The following NTNG1 variants were observed in gnomAD, a reference collection of about 807,000 sequenced individuals.
NTNG1 encodes the protein netrin G1.
Under a neutral mutation model 54.0 loss-of-function variants are expected in NTNG1, and 16 were observed. The ratio of observed to expected loss-of-function variants is 0.30; its 90% confidence interval spans 0.20 to 0.45. NTNG1 has a LOEUF of 0.45. NTNG1 is among the 20% of genes least tolerant of loss of function. The pLI is 1.00. For missense variants in NTNG1, 530 were observed against 678.7 expected (o/e 0.78, Z 2.43); for synonymous variants, 255 against 263.1 (o/e 0.97, Z 0.30).
intron 2 of NTNG1, among the ~76,000 whole-genome samples, chr1:107,222,097 C>A (rs1478514932): frequency 6.6e-6 from 1 of 151,990 alleles, no homozygotes. Flanking sequence ...TTGGCCAACT[C>A]CTGCTCATCT....
chr1:107,279,021 A>G (rs1382835026), intron 2 of NTNG1, among the ~76,000 whole-genome samples: 1 of 152,178 alleles, frequency 6.6e-6, no homozygotes, highest in Non-Finnish European at 1.5e-5. Context: ...TCTAAAAGTT[A>G]AAATTCAAGT....
intron 3 of NTNG1, among the ~76,000 whole-genome samples, chr1:107,380,062 CAG>C (rs1671549944): frequency 6.6e-6 from 1 of 152,192 alleles, no homozygotes; most frequent in Non-Finnish European, 1.5e-5. Context: ...AGGCAAAAGG[CAG>C]AGACTATGAA....
At chr1:107,429,077 C>G (rs1366488102) in intron 5 of NTNG1, among the ~76,000 whole-genome samples, 1 of 152,090 alleles carries the variant, frequency 6.6e-6, no homozygotes, top group Non-Finnish European at 1.5e-5. Flanking sequence ...TCTCCCTGTT[C>G]ACGTACACAT....
chr1:107,411,962 C>A (rs544458901), intron 5 of NTNG1, among the ~76,000 whole-genome samples: 1 of 152,280 alleles, frequency 6.6e-6, no homozygotes, highest in Non-Finnish European at 1.5e-5. Flanking sequence ...AATGGAGGAG[C>A]TGAAATAATC....
intron 2 of NTNG1, among the ~76,000 whole-genome samples, chr1:107,267,825 T>G (rs1663851495): frequency 6.6e-6 from 1 of 152,224 alleles, no homozygotes; most frequent in Non-Finnish European, 1.5e-5. Flanking sequence ...TCCTGTTTAT[T>G]TCTCTCTGTC....
chr1:107,210,100 C>T lies in NTNG1; in HGVS notation c.246+61261C>T, dbSNP rs1258059430. On this transcript the variant is annotated intron_variant, in intron 2 of 7. Coordinates refer to ENST00000370068, the MANE Select transcript of NTNG1 (RefSeq NM_001113226.3). ...GGCTGCAATGAGATGGAAACGTGAACAGTGAGGACATTAACGGAGGGGGAG... is the reference window on the plus strand; with the variant it reads ...GGCTGCAATGAGATGGAAACGTGAATAGTGAGGACATTAACGGAGGGGGAG... 2.0e-5 allele frequency among the ~76,000 whole-genome samples: 3 copies of T among 152,166 alleles called. No individual in the cohort carries two copies. In the East Asian group the frequency reaches 5.8e-4, roughly 29 times the overall value.
intron 5 of NTNG1, among the ~76,000 whole-genome samples, chr1:107,424,083 T>C (rs1570932440): frequency 1.3e-5 from 2 of 152,174 alleles, no homozygotes; most frequent in African/African-American, 4.8e-5. Flanking sequence ...TTTTTGCATA[T>C]ACTTTTTGAA....
rs55902721 is a variant in NTNG1 at position 107,469,434 on chromosome 1, C to T, written c.1391-11177C>T. Among the ~76,000 whole-genome samples, 860 of 152,232 alleles carry T rather than the reference C, an allele frequency of 5.6e-3. 10 individuals are homozygous for T. The highest frequency in any genetic ancestry group is 0.019 in the African/African-American group (806 of 41,542). ...TAATAATAGACAGACATCCACCATT[C>T]GGAAACAGGCATACAACAAAATTTT... On this transcript the variant is annotated intron_variant, in intron 7 of 7. Coordinates refer to ENST00000370068, the MANE Select transcript of NTNG1 (RefSeq NM_001113226.3).
intron 3 of NTNG1, among the ~76,000 whole-genome samples, chr1:107,352,947 G>A (rs1669713807): frequency 6.6e-6 from 1 of 152,220 alleles, no homozygotes; most frequent in Non-Finnish European, 1.5e-5. Context: ...AGTGGGCCAA[G>A]GCTGTGCAAG....
At chr1:107,159,500 T>C (rs1345651427) in intron 2 of NTNG1, among the ~76,000 whole-genome samples, 1 of 152,170 alleles carries the variant, frequency 6.6e-6, no homozygotes, top group East Asian at 1.9e-4. Context: ...TTGGTTCTTA[T>C]AATCCTCAGT....
chr1:107,383,564 A>G (rs769603235), intron 3 of NTNG1, among the ~76,000 whole-genome samples: 7 of 152,250 alleles, frequency 4.6e-5, no homozygotes, highest in Non-Finnish European at 8.8e-5. Context: ...GCTTGAATAC[A>G]TCACAAATCT....
At chr1:107,285,194 T>A (rs1369919486) in intron 2 of NTNG1, among the ~76,000 whole-genome samples, 3 of 152,128 alleles carry the variant, frequency 2.0e-5, no homozygotes, top group African/African-American at 7.2e-5. Context: ...ATGTCACTCC[T>A]TTCTAGAGAA....
Position 107,148,157 on chromosome 1 carries a change from C to T in NTNG1, c.-437C>T, listed in dbSNP as rs1654274770. 1 of 158,344 alleles carries T rather than the reference C, an allele frequency of 6.3e-6. No homozygotes were observed. Among genetic ancestry groups the T allele is most frequent in the Admixed American group, 6.1e-5 (1 of 16,450 alleles). 9.8% of individuals were successfully genotyped at this position (158,344 alleles called of 1,614,324 possible). A position where few individuals can be genotyped will look rare whatever the true frequency, so the allele number is the denominator to read the frequency against. ...CCTTTTGCTTCAGATACTGATATCT[C>T]AGCCTGCTTGAGCATCCCTTGTGAG... On this transcript the variant is annotated 5_prime_UTR_variant, in exon 2 of 8. Transcript: ENST00000370068.
At chr1:107,173,027 G>T (rs941490878) in intron 2 of NTNG1, among the ~76,000 whole-genome samples, 7 of 152,048 alleles carry the variant, frequency 4.6e-5, no homozygotes, top group African/African-American at 1.7e-4. Context: ...TATGAGATTG[G>T]TTCAGGAGAG....
chr1:107,169,536 C>T (rs1366518423), intron 2 of NTNG1, among the ~76,000 whole-genome samples: 1 of 152,020 alleles, frequency 6.6e-6, no homozygotes, highest in Admixed American at 6.6e-5. Context: ...AGTAGGGAAC[C>T]TCTAATGGTG....
At chr1:107,472,353 A>G (rs921951206) in intron 7 of NTNG1, among the ~76,000 whole-genome samples, 2 of 152,222 alleles carry the variant, frequency 1.3e-5, no homozygotes, top group African/African-American at 2.4e-5. Flanking sequence ...TTCCATTAAA[A>G]ATATTCATGC....
intron 3 of NTNG1, among the ~76,000 whole-genome samples, chr1:107,346,884 TAAAAAAA>T (rs537482440): frequency 1.8e-4 from 17 of 97,132 alleles, no homozygotes; most frequent in African/African-American, 3.5e-4. Context: ...TTTTCTATCC[TAAAAAAA>T]AAAAAAAAAA....
intron 3 of NTNG1, among the ~76,000 whole-genome samples, chr1:107,375,585 G>A (rs539574036): frequency 4.6e-5 from 7 of 152,268 alleles, no homozygotes; most frequent in African/African-American, 1.2e-4. Flanking sequence ...TGGCTAAAGT[G>A]CCCTTATTGG....
At chr1:107,349,010 G>T (rs575774419) in intron 3 of NTNG1, among the ~76,000 whole-genome samples, 3 of 152,166 alleles carry the variant, frequency 2.0e-5, no homozygotes, top group African/African-American at 7.2e-5. Context: ...TGATTCTAGT[G>T]CCCTCCATAG....
Sources: gnomAD v4.1 joint callset for allele counts (sites outside exome capture counted in the v4.1 genomes callset) on GRCh38, gnomAD v4.1.1 for gene constraint, MANE v1.5 for transcripts, NCBI Gene and HGNC (gene_info 2026-07-23, HGNC 2026-07-21) for gene names.